The following ZNF44 variants were observed in gnomAD, a reference collection of about 807,000 sequenced individuals.
ZNF44 encodes gonadotropin inducible transcription repressor-2.
A neutral mutation model predicts 11.7 loss-of-function variants in ZNF44; 9 were observed. That is an observed-to-expected ratio of 0.77 (90% CI 0.46 to 1.35). ZNF44 has a LOEUF of 1.35. Ranked by LOEUF, ZNF44 falls within the 40% of genes most tolerant of loss-of-function variation. The probability of loss-of-function intolerance (pLI) is 0.00; values close to 1 mark genes in which losing one functional copy is unlikely to be tolerated. For missense variants in ZNF44, 696 were observed against 743.1 expected, an observed-to-expected ratio of 0.94 and a Z score of 0.74; for synonymous variants, 224 against 242.7, an observed-to-expected ratio of 0.92 and a Z score of 0.72.
upstream of ZNF44, among the ~76,000 whole-genome samples, chr19:12,241,531 T>TCCA (rs1916614278): frequency 6.6e-6 from 1 of 152,050 alleles, no homozygotes; most frequent in South Asian, 2.1e-4. Flanking sequence ...CTGTCTCTAC[T>TCCA]AAAAATACAA....
chr19:12,235,295 G>C (rs1183099965), intron 1 of ZNF44, among the ~76,000 whole-genome samples: 1 of 152,142 alleles, frequency 6.6e-6, no homozygotes, highest in Non-Finnish European at 1.5e-5. Flanking sequence ...CGTGAACCTG[G>C]GAGGCGGAGC....
chr19:12,231,841 G>T (rs570081781), intron 2 of ZNF44, among the ~76,000 whole-genome samples: 17 of 152,318 alleles, frequency 1.1e-4, no homozygotes, highest in African/African-American at 3.8e-4. Flanking sequence ...TATCTGAAGG[G>T]GTGGGTTGCC....
intron 1 of ZNF44, among the ~76,000 whole-genome samples, chr19:12,292,866 T>TTG (rs1555745607): frequency 0.068 from 7,305 of 107,594 alleles, 698 homozygotes; most frequent in African/African-American, 0.25. Context: ...TTTTTTTTTT[T>TTG]TTTTTTTTTT....
At chr19:12,292,328 A>T (rs964663224) in intron 1 of ZNF44, among the ~76,000 whole-genome samples, 8 of 151,082 alleles carry the variant, frequency 5.3e-5, no homozygotes, top group South Asian at 4.2e-4. Flanking sequence ...TAAAAATAAT[A>T]AAAAAAAGGA....
intron 5 of ZNF44, among the ~76,000 whole-genome samples, chr19:12,260,745 T>A (rs1214202763): frequency 6.6e-6 from 1 of 152,146 alleles, no homozygotes; most frequent in Non-Finnish European, 1.5e-5. Flanking sequence ...AACTGTCAAC[T>A]AAAGTCAGCT....
chr19:12,225,495 C>A (rs1447828311), downstream of ZNF44, among the ~76,000 whole-genome samples: 1 of 152,094 alleles, frequency 6.6e-6, no homozygotes, highest in Admixed American at 6.6e-5. Context: ...AACAACATTC[C>A]TTTCCTAATA....
At chr19:12,280,592 CT>C (rs1328741312) in intron 1 of ZNF44, among the ~76,000 whole-genome samples, 1 of 152,062 alleles carries the variant, frequency 6.6e-6, no homozygotes, top group Non-Finnish European at 1.5e-5. Flanking sequence ...ACATGTTTAT[CT>C]GAATCCAATT....
chr19:12,258,650 C>T (rs1917369490), intron 5 of ZNF44, among the ~76,000 whole-genome samples: 1 of 152,052 alleles, frequency 6.6e-6, no homozygotes, highest in African/African-American at 2.4e-5. Flanking sequence ...GCCAACATGG[C>T]AAAACCTCGT....
intron 2 of ZNF44, chr19:12,234,579 C>CT (rs1045081699): frequency 6.6e-6 from 1 of 152,218 alleles, no homozygotes; most frequent in Non-Finnish European, 1.5e-5. Context: ...AAAATACCTC[C>CT]TTTCCACATT....
chr19:12,264,967 G>C (rs1048777591), intron 5 of ZNF44, among the ~76,000 whole-genome samples: 1 of 151,984 alleles, frequency 6.6e-6, no homozygotes, highest in African/African-American at 2.4e-5. Flanking sequence ...CAAAATGCTG[G>C]GGTTACAGGC....
chr19:12,256,743 C>T (rs1199233740), intron 5 of ZNF44, among the ~76,000 whole-genome samples: 5 of 147,746 alleles, frequency 3.4e-5, no homozygotes, highest in Non-Finnish European at 5.9e-5. Flanking sequence ...CTCTGTCACC[C>T]AGGCTGGAGT....
chr19:12,248,861 G>C (rs1297553246), intron 7 of ZNF44, among the ~76,000 whole-genome samples: 2 of 150,562 alleles, frequency 1.3e-5, no homozygotes, highest in Non-Finnish European at 3.0e-5. Flanking sequence ...AAACATAACT[G>C]TTATGAAAAC....
intron 1 of ZNF44, 62 bp downstream of exon 1, chr19:12,294,630 G>A: frequency 1.3e-6 from 2 of 1,543,048 alleles, no homozygotes; most frequent in South Asian, 1.2e-5. Flanking sequence ...GCCACAGCCG[G>A]TTCCGACTGG....
chr19:12,274,266 C>CTTTT (rs869093549), intron 3 of ZNF44, among the ~76,000 whole-genome samples: 84 of 90,212 alleles, frequency 9.3e-4, no homozygotes, highest in African/African-American at 1.1e-3. Flanking sequence ...ATTCTTAATT[C>CTTTT]TTTTTTTTTT....
chr19:12,264,356 T>G (rs901564491), intron 5 of ZNF44, among the ~76,000 whole-genome samples: 16 of 152,182 alleles, frequency 1.1e-4, no homozygotes, highest in Non-Finnish European at 2.1e-4. Flanking sequence ...TCTTAATTAC[T>G]TCCCTTGGCA....
At chr19:12,248,344 T>C (rs1205892055) in exon 8 of ZNF44, 1 of 1,293,012 alleles carries the variant, frequency 7.7e-7, no homozygotes, top group Admixed American at 2.3e-5. Context: ...CTGAAGGCTT[T>C]CCCACAGGCC....
At chr19:12,263,720 T>C (rs8100761) in intron 5 of ZNF44, among the ~76,000 whole-genome samples, 64,416 of 151,298 alleles carry the variant, frequency 0.43, 16,246 homozygotes, top group African/African-American at 0.72. Context: ...GGTCAGGAGA[T>C]CGAGACCATC....
intron 5 of ZNF44, among the ~76,000 whole-genome samples, chr19:12,263,969 T>C (rs555477024): frequency 6.6e-6 from 1 of 151,038 alleles, no homozygotes; most frequent in East Asian, 1.9e-4. Flanking sequence ...AGCATGTGCC[T>C]GTAGTCCTAG....
downstream of ZNF44, among the ~76,000 whole-genome samples, chr19:12,243,327 C>T (rs575847713): frequency 6.6e-6 from 1 of 152,172 alleles, no homozygotes; most frequent in African/African-American, 2.4e-5. Context: ...TAACCTTTGA[C>T]CAACATTTCT....
Sources: allele counts gnomAD v4.1 joint callset (sites outside exome capture counted in the v4.1 genomes callset), GRCh38; gene constraint gnomAD v4.1.1; transcripts MANE v1.5; gene names NCBI Gene and HGNC (gene_info 2026-07-23, HGNC 2026-07-21).